Variants in SSH2 observed in about 807,000 individuals in gnomAD.
The protein encoded by SSH2 is slingshot protein phosphatase 2, also known as protein phosphatase Slingshot homolog 2.
Under a neutral mutation model 135.2 loss-of-function variants are expected in SSH2, and 37 were observed. That is an observed-to-expected ratio of 0.27 (90% confidence interval 0.21 to 0.36). SSH2 has a LOEUF of 0.36. Among genes scored for constraint, SSH2 ranks in the 10% least tolerant of loss-of-function variants. SSH2 has a pLI of 1.00. For missense variants in SSH2, 1,408 were observed against 1,765.3 expected (o/e 0.80, Z 3.63); for synonymous variants, 628 against 646.2 (o/e 0.97, Z 0.43).
intron 3 of SSH2, among the ~76,000 whole-genome samples, chr17:29,731,369 T>G (rs2040185031): frequency 6.6e-6 from 1 of 152,096 alleles, no homozygotes; most frequent in African/African-American, 2.4e-5. Flanking sequence ...ATTTCTATAG[T>G]ATTAAATAAG....
intron 3 of SSH2, among the ~76,000 whole-genome samples, chr17:29,750,382 C>T (rs1445537439): frequency 2.1e-5 from 3 of 146,162 alleles, no homozygotes; most frequent in South Asian, 2.2e-4. Context: ...GAGGTGGCAG[C>T]GAGCCGAGAT....
chr17:29,651,599 T>C (rs183035027), intron 12 of SSH2, among the ~76,000 whole-genome samples: 4 of 152,338 alleles, frequency 2.6e-5, no homozygotes, highest in Non-Finnish European at 5.9e-5. Context: ...ATGTCTAAGT[T>C]TACTCCAACA....
intron 2 of SSH2, among the ~76,000 whole-genome samples, chr17:29,801,623 C>T (rs181974728): frequency 1.3e-5 from 2 of 152,180 alleles, no homozygotes; most frequent in Non-Finnish European, 2.9e-5. Flanking sequence ...ATCATTTTTG[C>T]GACACTACCA....
intron 1 of SSH2, among the ~76,000 whole-genome samples, chr17:29,865,699 AG>A (rs1192717912): frequency 2.0e-5 from 3 of 152,230 alleles, no homozygotes; most frequent in Non-Finnish European, 4.4e-5. Context: ...GAAGCTGCAG[AG>A]AAAATAGCAA....
chr17:29,875,806 A>G (rs1423496313), intron 1 of SSH2, among the ~76,000 whole-genome samples: 3 of 152,082 alleles, frequency 2.0e-5, no homozygotes, highest in Non-Finnish European at 4.4e-5. Context: ...CCTGGCTCCT[A>G]CTTATTCTTC....
At chr17:29,884,997 A>C (rs944668309) in intron 1 of SSH2, among the ~76,000 whole-genome samples, 1 of 152,168 alleles carries the variant, frequency 6.6e-6, no homozygotes, top group Admixed American at 6.5e-5. Context: ...GTCAATCTGC[A>C]TTTTTACATA....
intron 2 of SSH2, among the ~76,000 whole-genome samples, chr17:29,840,160 C>T (rs1312274312): frequency 1.3e-5 from 2 of 152,174 alleles, no homozygotes. Context: ...AAATATACCT[C>T]AGCAGGACCT....
intron 2 of SSH2, among the ~76,000 whole-genome samples, chr17:29,811,337 G>A (rs528194300): frequency 1.1e-4 from 16 of 151,752 alleles, no homozygotes; most frequent in South Asian, 2.1e-4. Context: ...TATATATTAC[G>A]TAATATATAA....
chr17:29,740,095 ACTC>A (rs1004487445), intron 3 of SSH2, among the ~76,000 whole-genome samples: 2 of 151,954 alleles, frequency 1.3e-5, no homozygotes, highest in Non-Finnish European at 2.9e-5. Flanking sequence ...TGACCTCTGA[ACTC>A]CTTATCAGTC....
chr17:29,821,659 T>C (rs1282384979), intron 2 of SSH2, among the ~76,000 whole-genome samples: 1 of 151,642 alleles, frequency 6.6e-6, no homozygotes, highest in Non-Finnish European at 1.5e-5. Flanking sequence ...TTTTTTTTTT[T>C]TTTTGAGGTG....
chr17:29,863,558 G>A (rs1567616771), intron 1 of SSH2: 1 of 152,200 alleles, frequency 6.6e-6, no homozygotes, highest in Non-Finnish European at 1.5e-5. Context: ...AGCTGTGACA[G>A]CCATTTTGTG....
At chr17:29,670,927 A>G (rs1174227223) in intron 9 of SSH2, among the ~76,000 whole-genome samples, 1 of 152,232 alleles carries the variant, frequency 6.6e-6, no homozygotes, top group East Asian at 1.9e-4. Flanking sequence ...GGAAGTGCAG[A>G]AAGATCAAAT....
At position 29,671,937 on chromosome 17, in the gene SSH2, G is replaced by T; in HGVS notation, c.807C>A (p.Asp269Glu). 1.2e-6 allele frequency: 2 copies of T among 1,611,898 alleles called. No homozygotes were observed. The highest frequency in any genetic ancestry group is 8.5e-7 in the Non-Finnish European group (1 of 1,178,434). ...HRPDSPALFT[D>E]IPTERERTER... ...TAATCCTTAGCAAACTGACTTACAT[G>T]TCGGTGAAGAGAGCTGGAGAGTCGG... Residue 269 changes from aspartate (D) to glutamate (E), a missense_variant and splice_region_variant, in exon 9 of 16, where the codon GAC becomes GAA. Physicochemically the swap from Asp to Glu is conservative, Grantham distance 45. This residue lies in a region of SSH2 where 222 missense variants were observed against 355.6 expected (regional missense o/e 0.62). Coordinates refer to ENST00000540801, the MANE Select transcript of SSH2 (RefSeq NM_001282129.2).
At chr17:29,879,358 A>G (rs2066094385) in intron 1 of SSH2, among the ~76,000 whole-genome samples, 2 of 150,768 alleles carry the variant, frequency 1.3e-5, no homozygotes, top group South Asian at 4.2e-4. Flanking sequence ...CTTCTCAGGA[A>G]CAGTGCTTTC....
intron 3 of SSH2, among the ~76,000 whole-genome samples, chr17:29,763,817 C>T (rs1323396368): frequency 1.3e-5 from 2 of 152,128 alleles, no homozygotes; most frequent in African/African-American, 4.8e-5. Flanking sequence ...AGACCTCTGT[C>T]AGTGTCTGTT....
At chr17:29,748,501 A>G (rs2040830603) in intron 3 of SSH2, among the ~76,000 whole-genome samples, 1 of 152,168 alleles carries the variant, frequency 6.6e-6, no homozygotes, top group African/African-American at 2.4e-5. Context: ...TATTAATATT[A>G]GTCTCTTTAT....
At chr17:29,798,965 T>TA (rs59903564) in intron 2 of SSH2, among the ~76,000 whole-genome samples, 1 of 152,220 alleles carries the variant, frequency 6.6e-6, no homozygotes, top group Non-Finnish European at 1.5e-5. Flanking sequence ...CCTTGTTTTT[T>TA]AAAAAATTAC....
chr17:29,860,942 A>C (rs1338973737), intron 1 of SSH2, among the ~76,000 whole-genome samples: 1 of 144,816 alleles, frequency 6.9e-6, no homozygotes, highest in Non-Finnish European at 1.5e-5. Context: ...GACAGGTTTC[A>C]CCATGTTGGC....
intron 3 of SSH2, among the ~76,000 whole-genome samples, chr17:29,754,735 C>A (rs575496439): frequency 6.6e-6 from 1 of 152,112 alleles, no homozygotes; most frequent in South Asian, 2.1e-4. Context: ...GGCACCATCT[C>A]GGCTCACTGC....
Sources: allele counts gnomAD v4.1 joint callset (sites outside exome capture counted in the v4.1 genomes callset), GRCh38; gene constraint gnomAD v4.1.1; regional missense constraint gnomAD v4.1.1; transcripts MANE v1.5; gene names NCBI Gene and HGNC (gene_info 2026-07-23, HGNC 2026-07-21).